The following PCDHA1 variants were observed in gnomAD, a reference collection of about 807,000 sequenced individuals.
PCDHA1 encodes protocadherin alpha-1.
In PCDHA1, 42 loss-of-function variants were observed where a neutral mutation model predicts 61.3. The observed-to-expected ratio is 0.69, with a 90% CI of 0.54 to 0.89. The LOEUF is 0.89. Among genes scored for constraint, PCDHA1 ranks in the 40% least tolerant of loss-of-function variants. PCDHA1 has a pLI of 0.00. For synonymous variants in PCDHA1, 610 were observed against 553.8 expected (o/e 1.10, Z -1.43); for missense variants, 1,256 against 1,235.3 (o/e 1.02, Z -0.25).
intron 1 of PCDHA1, chr5:140,856,914 G>A (rs1554149290): frequency 1.3e-6 from 2 of 1,596,230 alleles, no homozygotes; most frequent in East Asian, 4.5e-5. Flanking sequence ...CCCACGATAA[G>A]AAGGAAATTT....
rs1234661148 is a variant in PCDHA1, at chr5:141,010,706, T to C, written c.*769T>C. 2 of 155,338 alleles carry C rather than the reference T, an allele frequency of 1.3e-5. No individual in the cohort carries two copies. Among genetic ancestry groups the C allele is most frequent in the African/African-American group, 4.8e-5 (2 of 41,492 alleles). The allele number at this position is 155,338 out of a possible 1,614,324, so 9.6% of individuals were successfully genotyped here. A position where few individuals can be genotyped will look rare whatever the true frequency, so the allele number is the denominator to read the frequency against. The stretch of plus-strand genomic sequence containing the variant: ...AGATCTGATGTGTTTCCTATACATG[T>C]CCTGTGCTCACTTTATTAAAAATTC... On this transcript the variant is annotated 3_prime_UTR_variant, in exon 4 of 4. Transcript: ENST00000504120.
chr5:140,940,253 A>G (rs1216858680), intron 1 of PCDHA1, among the ~76,000 whole-genome samples: 1 of 152,124 alleles, frequency 6.6e-6, no homozygotes, highest in Middle Eastern at 3.2e-3. Context: ...CCTCCTCAAT[A>G]TCTTCTGGGT....
intron 1 of PCDHA1, among the ~76,000 whole-genome samples, chr5:140,969,920 A>G (rs1554232150): frequency 6.6e-6 from 1 of 152,226 alleles, no homozygotes; most frequent in African/African-American, 2.4e-5. Flanking sequence ...ATAAAGCTGT[A>G]GTATTTAGAC....
rs997247708 is a variant in PCDHA1, at chr5:140,787,889, C to T, written c.1599C>T (p.Phe533=). ...LDHEELELLQ[F]QVSARDAGVP... The stretch of plus-strand genomic sequence containing the variant: ...ACGAGGAGCTGGAGCTGCTGCAGTT[C>T]CAGGTGAGCGCGCGGGATGCGGGCG... The change falls in exon 1 of 4, where the codon TTC becomes TTT. Residue 533 remains phenylalanine, a synonymous_variant. Coordinates refer to ENST00000504120, the MANE Select transcript of PCDHA1 (RefSeq NM_018900.4). The T allele has an allele frequency of 1.2e-6, 2 of 1,613,294 alleles. No individual in the cohort carries two copies. The highest frequency in any genetic ancestry group is 1.7e-5 in the Admixed American group (1 of 59,972).
At chr5:140,822,574 G>A in intron 1 of PCDHA1, 1 of 1,611,088 alleles carries the variant, frequency 6.2e-7, no homozygotes, top group Non-Finnish European at 8.5e-7. Context: ...GAACGCCTCA[G>A]ATGCAGATGA....
At chr5:140,810,208 C>T (rs1334242094) in intron 1 of PCDHA1, 1 of 152,202 alleles carries the variant, frequency 6.6e-6, no homozygotes, top group African/African-American at 2.4e-5. Context: ...AGTACTATTT[C>T]ATAAATATAC....
At chr5:140,802,697 G>C (rs782360183) in intron 1 of PCDHA1, 37 of 1,612,602 alleles carry the variant, frequency 2.3e-5, no homozygotes, top group Middle Eastern at 1.9e-4. Context: ...GGCGGGTGGG[G>C]GAGCGCGCGC....
intron 1 of PCDHA1, chr5:140,848,138 T>A: frequency 5.1e-6 from 1 of 197,510 alleles, no homozygotes; most frequent in East Asian, 1.1e-4. Context: ...TACAAAACTT[T>A]TAGAGGCAGT....
At chr5:140,967,669 G>T (rs782398219) in intron 1 of PCDHA1, 1 of 1,614,126 alleles carries the variant, frequency 6.2e-7, no homozygotes, top group Non-Finnish European at 8.5e-7. Context: ...GCTACACGTC[G>T]GACCGGGAGA....
intron 1 of PCDHA1, among the ~76,000 whole-genome samples, chr5:140,907,985 A>T (rs1377305456): frequency 2.6e-5 from 4 of 152,178 alleles, no homozygotes; most frequent in East Asian, 1.9e-4. Flanking sequence ...GCTTCTTCCA[A>T]GTCCTTAACC....
intron 1 of PCDHA1, among the ~76,000 whole-genome samples, chr5:140,921,904 T>A (rs1554200513): frequency 1.3e-5 from 2 of 151,968 alleles, no homozygotes; most frequent in African/African-American, 4.8e-5. Flanking sequence ...GATAAATATA[T>A]ATTACATGAT....
chr5:140,788,332 G>C lies in PCDHA1; in HGVS notation c.2042G>C (p.Arg681Pro). The change falls in exon 1 of 4, where the codon CGG becomes CCG. Residue 681 changes from arginine to proline, a missense_variant. Coordinates refer to ENST00000504120, the MANE Select transcript of PCDHA1 (RefSeq NM_018900.4). ...GGCCAGGCGCCAAAGGCGTCTTCGC[G>C]GGCGTCGGTGGGTGTCGCGGGCCCA... The part of the protein sequence containing the change: ...ESGQAPKASS[R>P]ASVGVAGPEA... The C allele has an allele frequency of 1.2e-6, 2 of 1,613,934 alleles. No individual in the cohort carries two copies. Among genetic ancestry groups the C allele is most frequent in the Non-Finnish European group, 1.7e-6 (2 of 1,179,940 alleles).
intron 1 of PCDHA1, among the ~76,000 whole-genome samples, chr5:140,974,827 G>A (rs1356890991): frequency 6.6e-6 from 1 of 152,182 alleles, no homozygotes; most frequent in Admixed American, 6.5e-5. Flanking sequence ...GCAACATAAT[G>A]ATTATTTTAA....
chr5:140,836,931 A>G (rs1774819747), intron 1 of PCDHA1: 4 of 485,440 alleles, frequency 8.2e-6, no homozygotes, highest in South Asian at 4.0e-5. Context: ...GATGCGTAAT[A>G]CTATAGATCA....
intron 1 of PCDHA1, chr5:140,929,236 A>C (rs782440521): frequency 3.1e-6 from 5 of 1,613,890 alleles, no homozygotes; most frequent in Non-Finnish European, 3.4e-6. Flanking sequence ...CGACCTGCGA[A>C]ATCTTGCCAC....
chr5:140,801,466 T>C (rs782148660), intron 1 of PCDHA1: 2 of 1,614,040 alleles, frequency 1.2e-6, no homozygotes, highest in Admixed American at 1.7e-5. Flanking sequence ...AATTCTCGGA[T>C]AGACCGCGAG....
intron 1 of PCDHA1, chr5:140,926,696 C>A: frequency 1.3e-6 from 1 of 771,792 alleles, no homozygotes; most frequent in Non-Finnish European, 1.9e-6. Context: ...GCAAGCCCGG[C>A]TCCCAGCTGG....
At chr5:140,833,399 G>C (rs1554133822) in intron 1 of PCDHA1, among the ~76,000 whole-genome samples, 1 of 152,156 alleles carries the variant, frequency 6.6e-6, no homozygotes, top group Non-Finnish European at 1.5e-5. Context: ...CTCAAGACTT[G>C]ATCAAAGGGC....
chr5:140,895,995 G>A (rs2065293379), intron 1 of PCDHA1, among the ~76,000 whole-genome samples: 1 of 152,058 alleles, frequency 6.6e-6, no homozygotes, highest in Non-Finnish European at 1.5e-5. Flanking sequence ...ATTTTAAGTA[G>A]AGACAGGGTT....
Sources: allele counts gnomAD v4.1 joint callset (sites outside exome capture counted in the v4.1 genomes callset), GRCh38; gene constraint gnomAD v4.1.1; transcripts MANE v1.5; gene names NCBI Gene and HGNC (gene_info 2026-07-23, HGNC 2026-07-21).